The following SNX25 variants were observed in gnomAD, a reference collection of about 807,000 sequenced individuals.
SNX25 encodes sorting nexin-25.
A neutral mutation model predicts 113.7 loss-of-function variants in SNX25; 62 were observed. That is an observed-to-expected ratio of 0.55 (90% CI 0.44 to 0.67). The LOEUF (loss-of-function observed/expected upper bound fraction) is 0.67. SNX25 is among the 30% of genes least tolerant of loss of function. The pLI, the probability that SNX25 is intolerant of heterozygous loss-of-function variation, is 0.00. For synonymous variants in SNX25, 421 were observed against 436.2 expected (o/e 0.97, Z 0.43); for missense variants, 1,014 against 1,161.0 (o/e 0.87, Z 1.84).
chr4:185,207,756 C>T (rs929146903), upstream of SNX25: 4 of 152,102 alleles, frequency 2.6e-5, no homozygotes, highest in Admixed American at 2.6e-4. Flanking sequence ...CAGTTCCCCG[C>T]TGTGTAGATG....
chr4:185,362,503 C>G (rs2095369597), intron 17 of SNX25, 108 bp from the exon 18 acceptor site: 3 of 1,210,486 alleles, frequency 2.5e-6, no homozygotes, highest in South Asian at 1.7e-5. Flanking sequence ...TCTCATGCCT[C>G]CATGTGTTTA....
intron 6 of SNX25, among the ~76,000 whole-genome samples, chr4:185,289,561 G>A (rs1288538): frequency 0.06 from 9,103 of 152,210 alleles, 319 homozygotes; most frequent in African/African-American, 0.079. Flanking sequence ...CAGTCACAAA[G>A]GCCCAACTGG....
At chr4:185,304,037 T>G (rs1448846775) in intron 6 of SNX25, among the ~76,000 whole-genome samples, 2 of 152,254 alleles carry the variant, frequency 1.3e-5, no homozygotes, top group Non-Finnish European at 2.9e-5. Flanking sequence ...GCCAGCTTTG[T>G]GTTAAGAGGT....
chr4:185,311,873 T>C, intron 7 of SNX25, among the ~76,000 whole-genome samples: 1 of 152,194 alleles, frequency 6.6e-6, no homozygotes, highest in Non-Finnish European at 1.5e-5. Flanking sequence ...CTTACACAAG[T>C]GGTGCAAATG....
intron 5 of SNX25, among the ~76,000 whole-genome samples, chr4:185,271,850 A>G (rs138730377): frequency 1.3e-3 from 202 of 152,382 alleles, no homozygotes; most frequent in African/African-American, 4.7e-3. Flanking sequence ...CTTGAAGGTG[A>G]TATTTGTAGT....
At chr4:185,320,952 G>A in intron 8 of SNX25, 88 bp downstream of exon 8, 1 of 1,196,400 alleles carries the variant, frequency 8.4e-7, no homozygotes, top group East Asian at 2.7e-5. Context: ...CTCAAGATAA[G>A]TATACATTAA....
intron 13 of SNX25, among the ~76,000 whole-genome samples, chr4:185,347,749 G>A (rs1160301907): frequency 6.6e-6 from 1 of 152,120 alleles, no homozygotes; most frequent in Admixed American, 6.5e-5. Context: ...GGGACTACAG[G>A]CGTGAGCCAC....
chr4:185,367,606 TA>T (rs2095394164), downstream of SNX25, among the ~76,000 whole-genome samples: 1 of 152,224 alleles, frequency 6.6e-6, no homozygotes, highest in African/African-American at 2.4e-5. Flanking sequence ...ACAGCATCTG[TA>T]AAATTTTATT....
chr4:185,294,605 CA>C (rs759380737), intron 6 of SNX25, among the ~76,000 whole-genome samples: 14 of 152,098 alleles, frequency 9.2e-5, no homozygotes, highest in Non-Finnish European at 1.9e-4. Context: ...TGGAAGTTAC[CA>C]TTATAGAGAC....
At chr4:185,257,308 C>G (rs1746599074) in intron 2 of SNX25, among the ~76,000 whole-genome samples, 1 of 151,926 alleles carries the variant, frequency 6.6e-6, no homozygotes, top group Admixed American at 6.6e-5. Context: ...CACCACCAAG[C>G]CCACTAATAT....
At position 185,334,109 on chromosome 4, in the gene SNX25, C is replaced by T. The variant is rs1375833403; in HGVS notation, c.1914+1350C>T. 1.3e-5 allele frequency among the ~76,000 whole-genome samples: 2 copies of T among 150,426 alleles called. No homozygotes were observed. Among genetic ancestry groups the T allele is most frequent in the African/African-American group, 2.5e-5 (1 of 40,714 alleles). Reference sequence around the variant, plus strand: ...ATCCCAGCACTTTAGGAGGCCGAGGCGGGTGGATCACTTGAGGTCAGGAGC... The same window carrying T: ...ATCCCAGCACTTTAGGAGGCCGAGGTGGGTGGATCACTTGAGGTCAGGAGC... On this transcript the variant is annotated intron_variant, in intron 10 of 18. Coordinates refer to ENST00000652585, the MANE Select transcript of SNX25 (RefSeq NM_001378034.2). The surrounding 1 kb of genome is among the most constrained non-coding windows in gnomAD (Gnocchi z 4.2).
At chr4:185,213,636 G>T (rs1039288840) in intron 1 of SNX25, among the ~76,000 whole-genome samples, 1 of 152,018 alleles carries the variant, frequency 6.6e-6, no homozygotes, top group African/African-American at 2.4e-5. Context: ...CTTCTGCCAG[G>T]CCAGTTAACT....
At chr4:185,344,280 A>G (rs2095273970) in intron 12 of SNX25, among the ~76,000 whole-genome samples, 2 of 152,144 alleles carry the variant, frequency 1.3e-5, no homozygotes, top group Admixed American at 6.5e-5. Flanking sequence ...GGGATTTTAA[A>G]GAGAGGGTTT....
intron 1 of SNX25, among the ~76,000 whole-genome samples, chr4:185,234,885 A>C (rs1164232653): frequency 6.6e-6 from 1 of 152,248 alleles, no homozygotes; most frequent in Non-Finnish European, 1.5e-5. Flanking sequence ...CATGTTCATC[A>C]TAGCCCAGCA....
chr4:185,247,599 T>C (rs950400895), intron 2 of SNX25, among the ~76,000 whole-genome samples: 4 of 152,222 alleles, frequency 2.6e-5, no homozygotes, highest in Non-Finnish European at 4.4e-5. Context: ...CATGTGAAAC[T>C]AGCCAGCCAT....
In SNX25 at chr4:185,301,871, C is replaced by A. The variant is rs191184101; in HGVS notation, c.1163-8764C>A. On this transcript the variant is annotated intron_variant, in intron 6 of 18. Coordinates refer to ENST00000652585, the MANE Select transcript of SNX25 (RefSeq NM_001378034.2). The stretch of plus-strand genomic sequence containing the variant: ...CAAAGTGCTGGGATTACAGGCGTGA[C>A]CCACCATGCCTGGCCCTTAGTCACA... 6.1e-5 allele frequency among the ~76,000 whole-genome samples: 9 copies of A among 146,924 alleles called. No individual in the cohort carries two copies. In the East Asian group the frequency reaches 1.9e-3, roughly 31 times the overall value.
At chr4:185,240,252 A>C (rs1352464077) in intron 1 of SNX25, among the ~76,000 whole-genome samples, 3 of 152,076 alleles carry the variant, frequency 2.0e-5, no homozygotes, top group African/African-American at 7.2e-5. Context: ...CGCCATTGTC[A>C]TCATGGCCCG....
chr4:185,214,647 G>C (rs537800184), intron 1 of SNX25, among the ~76,000 whole-genome samples: 2 of 152,152 alleles, frequency 1.3e-5, no homozygotes, highest in Non-Finnish European at 2.9e-5. Flanking sequence ...TGTGAAGAAA[G>C]CATTAATGAA....
chr4:185,204,636 A>G (rs1331222974), upstream of SNX25, among the ~76,000 whole-genome samples: 1 of 152,234 alleles, frequency 6.6e-6, no homozygotes, highest in Non-Finnish European at 1.5e-5. Flanking sequence ...GACAGGATTT[A>G]GCTGATGTGA....
Sources: gnomAD v4.1 joint callset for allele counts (sites outside exome capture counted in the v4.1 genomes callset) on GRCh38, gnomAD v4.1.1 for gene constraint, Gnocchi (gnomAD v3.1) non-coding constraint, MANE v1.5 for transcripts, NCBI Gene and HGNC (gene_info 2026-07-23, HGNC 2026-07-21) for gene names.